The following ITGA4 variants were observed in gnomAD, a reference collection of about 807,000 sequenced individuals.
The protein encoded by ITGA4 is integrin subunit alpha 4.
ITGA4 carries 63 observed loss-of-function variants against 133.6 expected under a neutral mutation model. That is an observed-to-expected ratio of 0.47 (90% CI 0.38 to 0.58). The LOEUF is 0.58. Among genes scored for constraint, ITGA4 ranks in the 20% least tolerant of loss-of-function variants. The pLI, the probability that ITGA4 is intolerant of heterozygous loss-of-function variation, is 0.00. For synonymous variants in ITGA4, 483 were observed against 438.0 expected (o/e 1.10, Z -1.28); for missense variants, 1,076 against 1,252.7 (o/e 0.86, Z 2.13).
At chr2:181,501,190 T>A (rs971621404) in intron 15 of ITGA4, among the ~76,000 whole-genome samples, 1 of 152,128 alleles carries the variant, frequency 6.6e-6, no homozygotes, top group African/African-American at 2.4e-5. Context: ...AGGTCTGCAG[T>A]AAGGGCTGAG....
chr2:181,457,429 C>T lies in ITGA4; in HGVS notation c.-226C>T, dbSNP rs199605482. The stretch of plus-strand genomic sequence containing the variant: ...GAAGCTCCCGGCTGGCGGCAGAAAC[C>T]GGGAGTGGGGCCGGGCGAGTGCGCG... On this transcript the variant is annotated 5_prime_UTR_variant, in exon 1 of 28. Coordinates refer to ENST00000397033, the MANE Select transcript of ITGA4 (RefSeq NM_000885.6). 4.0e-6 allele frequency: 2 copies of T among 495,432 alleles called. No individual in the cohort carries two copies. The highest frequency in any genetic ancestry group is 3.8e-5 in the East Asian group (1 of 26,388). The allele number at this position is 495,432 out of a possible 1,614,324, so 30.7% of individuals were successfully genotyped here.
At position 181,538,110 on chromosome 2, in the gene ITGA4, CAGGTTT is replaced by C; in HGVS notation, c.*2585_*2590del. On this transcript the variant is annotated 3_prime_UTR_variant, in exon 28 of 28. Coordinates refer to ENST00000397033, the MANE Select transcript of ITGA4 (RefSeq NM_000885.6). ...CTGGTCCCAAAAAGGGTGGGGACCA[CAGGTTT>C]AAAGCATGGCCACATTTCTTTATAT... The C allele has an allele frequency of 1.9e-6, 2 of 1,030,752 alleles. No homozygotes were observed. The highest frequency in any genetic ancestry group is 3.0e-6 in the Non-Finnish European group (2 of 657,694). The allele number at this position is 1,030,752 out of a possible 1,614,324, so 63.9% of individuals were successfully genotyped here.
rs994267938 is a variant in ITGA4 at position 181,523,331 on chromosome 2, C to A, written c.2074-106C>A. 17 of 652,480 alleles carry A rather than the reference C, an allele frequency of 2.6e-5. No homozygotes were observed. Among genetic ancestry groups the A allele is most frequent in the Non-Finnish European group, 4.1e-5 (15 of 367,518 alleles). The allele number at this position is 652,480 out of a possible 1,614,324, so 40.4% of individuals were successfully genotyped here. ...ATAGAAAATAGTTTTCCTAGAAAAG[C>A]AAATACTTCTGGGATGATATTCTTT... On this transcript the variant is annotated intron_variant, in intron 18 of 27. Coordinates refer to ENST00000397033, the MANE Select transcript of ITGA4 (RefSeq NM_000885.6). This position sits in a 1 kb window ranked among gnomAD's most constrained non-coding sequence, Gnocchi z 4.2.
At position 181,537,135 on chromosome 2, in the gene ITGA4, GTA is replaced by G; in HGVS notation, c.*1610_*1611del. The G allele has an allele frequency of 2.2e-6, 1 of 453,460 alleles. No individual in the cohort carries two copies. Among genetic ancestry groups the G allele is most frequent in the Non-Finnish European group, 4.4e-6 (1 of 226,584 alleles). The allele number at this position is 453,460 out of a possible 1,614,324, so 28.1% of individuals were successfully genotyped here. On this transcript the variant is annotated 3_prime_UTR_variant, in exon 28 of 28. Coordinates refer to ENST00000397033, the MANE Select transcript of ITGA4 (RefSeq NM_000885.6). The stretch of plus-strand genomic sequence containing the variant: ...CATTTATGTATTTTTAAAAAACTTT[GTA>G]TCGTTATAAAAAGGCTAGTCATTCT...
chr2:181,534,346 AAAC>A lies in ITGA4; in HGVS notation c.2862_2864del (p.Asn954del). The stretch of plus-strand genomic sequence containing the variant: ...AGCCAAATCCAAGAGTAATTGAACT[AAAC>A]AAGGATGAGAATGTTGCGCATGTAA... On this transcript the variant is annotated inframe_deletion, in exon 26 of 28. Transcript: ENST00000397033. The A allele has an allele frequency of 6.2e-7, 1 of 1,603,844 alleles. No homozygotes were observed. Among genetic ancestry groups the A allele is most frequent in the Non-Finnish European group, 8.5e-7 (1 of 1,170,904 alleles).
At chr2:181,470,192 T>C (rs983200976) in intron 2 of ITGA4, among the ~76,000 whole-genome samples, 4 of 151,928 alleles carry the variant, frequency 2.6e-5, no homozygotes, top group Non-Finnish European at 4.4e-5. Flanking sequence ...AATTTAAAAA[T>C]AGAACTATTA....
At chr2:181,524,753 C>T (rs892577896) in intron 20 of ITGA4, among the ~76,000 whole-genome samples, 3 of 152,004 alleles carry the variant, frequency 2.0e-5, no homozygotes, top group East Asian at 1.9e-4. Flanking sequence ...TATAAAGATA[C>T]GTTAAGGCAG....
Position 181,536,239 on chromosome 2 carries a change from A to G in ITGA4, c.*712A>G, listed in dbSNP as rs200427345. The G allele has an allele frequency of 2.0e-5, 3 of 152,016 alleles. No individual in the cohort carries two copies. The highest frequency in any genetic ancestry group is 7.2e-5 in the African/African-American group (3 of 41,420). The allele number at this position is 152,016 out of a possible 1,614,324, so 9.4% of individuals were successfully genotyped here. ...TCACCATCTTTCTTTCTGTATATATACATGTGTTTTTATGTAGGTATATAT... is the reference window on the plus strand; with the variant it reads ...TCACCATCTTTCTTTCTGTATATATGCATGTGTTTTTATGTAGGTATATAT... On this transcript the variant is annotated 3_prime_UTR_variant, in exon 28 of 28. Transcript: ENST00000397033.
intron 21 of ITGA4, among the ~76,000 whole-genome samples, chr2:181,526,890 G>A (rs144210196): frequency 1.3e-3 from 172 of 133,790 alleles, no homozygotes; most frequent in Middle Eastern, 9.0e-3. Flanking sequence ...GGAGGGCAGC[G>A]GTGTGACCTC....
intron 2 of ITGA4, among the ~76,000 whole-genome samples, chr2:181,461,154 C>T (rs1685266012): frequency 1.3e-5 from 2 of 148,922 alleles, no homozygotes; most frequent in African/African-American, 5.0e-5. Context: ...GACAAGGTGT[C>T]CCATATGGTA....
chr2:181,493,469 C>A, intron 11 of ITGA4, 50 bp downstream of exon 11: 1 of 1,094,422 alleles, frequency 9.1e-7, no homozygotes, highest in Admixed American at 2.2e-5. Context: ...AATGCATATC[C>A]TTAAAACTTC....
intron 11 of ITGA4, among the ~76,000 whole-genome samples, chr2:181,494,096 C>A (rs1010384170): frequency 6.6e-6 from 1 of 152,060 alleles, no homozygotes; most frequent in African/African-American, 2.4e-5. Flanking sequence ...ATTTTCTTAG[C>A]ACGAATATCA....
At chr2:181,471,870 C>T (rs1028412328) in intron 2 of ITGA4, among the ~76,000 whole-genome samples, 1 of 152,158 alleles carries the variant, frequency 6.6e-6, no homozygotes, top group Non-Finnish European at 1.5e-5. Flanking sequence ...TTCTAAGAAT[C>T]ATTATTTTTA....
chr2:181,528,636 C>T (rs1368992715), intron 22 of ITGA4, among the ~76,000 whole-genome samples: 2 of 152,150 alleles, frequency 1.3e-5, no homozygotes, highest in South Asian at 4.1e-4. Context: ...CTGACATTTC[C>T]TGCTGCAACT....
At chr2:181,470,831 C>T (rs185260526) in intron 2 of ITGA4, among the ~76,000 whole-genome samples, 7 of 152,138 alleles carry the variant, frequency 4.6e-5, no homozygotes, top group Admixed American at 6.5e-5. Flanking sequence ...GCTATGATCA[C>T]GCCAATGCAC....
At chr2:181,501,773 T>G (rs1195637572) in intron 15 of ITGA4, among the ~76,000 whole-genome samples, 1 of 152,136 alleles carries the variant, frequency 6.6e-6, no homozygotes, top group Non-Finnish European at 1.5e-5. Context: ...GAACACCTTT[T>G]GAGTGGAAAA....
At chr2:181,474,502 A>G (rs1169124817) in intron 2 of ITGA4, among the ~76,000 whole-genome samples, 3 of 152,228 alleles carry the variant, frequency 2.0e-5, no homozygotes, top group East Asian at 1.9e-4. Flanking sequence ...TCCAGCTCCA[A>G]TAAATTGTAC....
At chr2:181,502,868 C>T (rs1205173042) in intron 15 of ITGA4, among the ~76,000 whole-genome samples, 1 of 151,770 alleles carries the variant, frequency 6.6e-6, no homozygotes, top group Non-Finnish European at 1.5e-5. Flanking sequence ...TTACAATTAA[C>T]CAGGGTTGTA....
Position 181,538,297 on chromosome 2 carries a change from A to C in ITGA4, c.*2770A>C. On this transcript the variant is annotated 3_prime_UTR_variant, in exon 28 of 28. Transcript: ENST00000397033. ...ACTTATTTTGTTGTTTTTCACATACACCTAATAAGTATGGTACACAATGCC... is the reference window on the plus strand; with the variant it reads ...ACTTATTTTGTTGTTTTTCACATACCCCTAATAAGTATGGTACACAATGCC... 9.6e-7 allele frequency: 1 copy of C among 1,043,204 alleles called. No homozygotes were observed. Among genetic ancestry groups the C allele is most frequent in the Non-Finnish European group, 1.5e-6 (1 of 665,564 alleles). The allele number at this position is 1,043,204 out of a possible 1,614,324, so 64.6% of individuals were successfully genotyped here.
Sources: gnomAD v4.1 joint callset for allele counts (sites outside exome capture counted in the v4.1 genomes callset) on GRCh38, gnomAD v4.1.1 for gene constraint, Gnocchi (gnomAD v3.1) non-coding constraint, MANE v1.5 for transcripts, NCBI Gene and HGNC (gene_info 2026-07-23, HGNC 2026-07-21) for gene names.